Variants in VAPA observed in about 807,000 individuals in gnomAD.
VAPA encodes vesicle-associated membrane protein-associated protein A.
In VAPA, 6 loss-of-function variants were observed where a neutral mutation model predicts 25.6. The ratio of observed to expected loss-of-function variants is 0.23; its 90% CI spans 0.13 to 0.46. The LOEUF is 0.46. VAPA is among the 20% of genes least tolerant of loss of function. VAPA has a pLI of 0.99. For missense variants in VAPA, 244 were observed against 302.1 expected (o/e 0.81, Z 1.43); for synonymous variants, 112 against 106.2 (o/e 1.05, Z -0.34).
chr18:9,947,969 T>C (rs1002405676), intron 4 of VAPA: 4 of 152,206 alleles, frequency 2.6e-5, no homozygotes, highest in African/African-American at 7.2e-5. Flanking sequence ...GCACCTGTTA[T>C]GTATGTTCAC....
In VAPA at chr18:9,950,423, C is replaced by T. The variant is rs375810230; in HGVS notation, c.446C>T (p.Pro149Leu). 2.7e-5 allele frequency: 43 copies of T among 1,613,586 alleles called. No homozygotes were observed. The highest frequency in any genetic ancestry group is 3.6e-5 in the Non-Finnish European group (43 of 1,179,932). Residue 149 changes from proline to leucine, a missense_variant, in exon 5 of 6, where the codon CCA (proline) becomes CTA (leucine). This residue lies in a region of VAPA where 145 missense variants were observed against 140.6 expected (regional missense o/e 1.03). Coordinates refer to ENST00000400000, the MANE Select transcript of VAPA (RefSeq NM_194434.3). ...LNDMEPSKAV[P>L]LNASKQDGPM... ...GATATGGAACCTAGCAAAGCTGTTC[C>T]ACTGAATGCATCTAAGCAAGATGGA...
At position 9,944,886 on chromosome 18, in the gene VAPA, G is replaced by A. The variant is rs904772239; in HGVS notation, c.418-5509G>A. 4.4e-6 allele frequency: 7 copies of A among 1,604,024 alleles called. No individual in the cohort carries two copies. In the African/African-American group the frequency reaches 8.0e-5, roughly 18 times the overall value. ...TATCATGCAGAAGAAATCAGAGTTC[G>A]GTGAGAATCTGAGAATATGTTTCCC... On this transcript the variant is annotated intron_variant, in intron 4 of 5. Transcript: ENST00000400000.
chr18:9,938,164 C>CA (rs1338084001), intron 4 of VAPA, among the ~76,000 whole-genome samples: 1 of 151,970 alleles, frequency 6.6e-6, no homozygotes, highest in African/African-American at 2.4e-5. Context: ...ACCAAGAAAA[C>CA]AAAACAGCAT....
At chr18:9,921,554 A>G (rs554640125) in intron 1 of VAPA, among the ~76,000 whole-genome samples, 2 of 152,376 alleles carry the variant, frequency 1.3e-5, no homozygotes, top group South Asian at 2.1e-4. Context: ...TGGGATACAT[A>G]TAGATAGTAA....
chr18:9,926,257 C>G (rs1322878568), intron 1 of VAPA, among the ~76,000 whole-genome samples: 1 of 152,076 alleles, frequency 6.6e-6, no homozygotes, highest in African/African-American at 2.4e-5. Flanking sequence ...AGCAGCATAA[C>G]CCTTGTGTAA....
chr18:9,927,776 A>G (rs2069213992), intron 1 of VAPA, among the ~76,000 whole-genome samples: 2 of 152,078 alleles, frequency 1.3e-5, no homozygotes, highest in Admixed American at 1.3e-4. Context: ...CTCAAAGGCC[A>G]CATTTATGTA....
intron 2 of VAPA, among the ~76,000 whole-genome samples, chr18:9,935,419 C>A (rs1599107291): frequency 6.6e-6 from 1 of 151,832 alleles, no homozygotes; most frequent in Non-Finnish European, 1.5e-5. Context: ...CAAAAAAATA[C>A]AAAAATTAGC....
chr18:9,951,885 C>G (rs1353916896), intron 5 of VAPA, among the ~76,000 whole-genome samples: 1 of 152,096 alleles, frequency 6.6e-6, no homozygotes, highest in African/African-American at 2.4e-5. Flanking sequence ...TTCATAGTAC[C>G]CCCTCGAGGG....
intron 5 of VAPA, chr18:9,951,310 A>T (rs2069487622): frequency 6.6e-6 from 1 of 152,326 alleles, no homozygotes; most frequent in Non-Finnish European, 1.5e-5. Flanking sequence ...ACACACATTG[A>T]CGTTTTGCTA....
chr18:9,935,767 C>T (rs1335346195), intron 2 of VAPA, among the ~76,000 whole-genome samples: 2 of 152,150 alleles, frequency 1.3e-5, no homozygotes, highest in Admixed American at 6.5e-5. Context: ...AAAATTTTCA[C>T]AAGCTGAGTT....
At chr18:9,925,272 TTTGTATAA>T (rs2069190753) in intron 1 of VAPA, among the ~76,000 whole-genome samples, 1 of 151,646 alleles carries the variant, frequency 6.6e-6, no homozygotes, top group Admixed American at 6.6e-5. Context: ...GTATAATATG[TTTGTATAA>T]TTGTATAATA....
intron 1 of VAPA, among the ~76,000 whole-genome samples, chr18:9,918,025 T>TA (rs2069126629): frequency 6.6e-6 from 1 of 151,986 alleles, no homozygotes; most frequent in Admixed American, 6.5e-5. Context: ...CAGTAAGACA[T>TA]ACCATCTCTT....
rs188554953 is a variant in VAPA, at chr18:9,940,895, T to A, written c.417+3829T>A. On this transcript the variant is annotated intron_variant, in intron 4 of 5. Transcript: ENST00000400000. ...TTGCAAAAATTGTGTCTATACTATTTAGGCTGGAAGTGGCCTTAATTGATT... is the reference window on the plus strand; with the variant it reads ...TTGCAAAAATTGTGTCTATACTATTAAGGCTGGAAGTGGCCTTAATTGATT... Among the ~76,000 whole-genome samples, 192 of 152,342 alleles carry A rather than the reference T, an allele frequency of 1.3e-3. 1 individual carries two copies. The highest frequency in any genetic ancestry group is 4.4e-3 in the African/African-American group (181 of 41,586).
chr18:9,949,404 G>C (rs2069463127), intron 4 of VAPA: 2 of 152,088 alleles, frequency 1.3e-5, no homozygotes, highest in Admixed American at 1.3e-4. Flanking sequence ...CCCTTCATAA[G>C]AATAACAAGT....
chr18:9,950,545 T>A lies in VAPA; in HGVS notation c.568T>A (p.Ser190Thr). 1.2e-6 allele frequency: 2 copies of A among 1,611,958 alleles called. No homozygotes were observed. The highest frequency in any genetic ancestry group is 1.7e-6 in the Non-Finnish European group (2 of 1,179,554). Residue 190 changes from serine (S) to threonine (T), a missense_variant, in exon 5 of 6, where the codon TCA (serine) becomes ACA (threonine). By Grantham distance (58) the Ser-to-Thr change is moderately conservative. Around this residue, in one of 2 missense-constraint regions of VAPA, gnomAD observed 145 missense variants for 140.6 expected, o/e 1.03. Coordinates refer to ENST00000400000, the MANE Select transcript of VAPA (RefSeq NM_194434.3). Reference protein sequence around the residue: ...KRLQGEMMKLSEENRHLRDEG... With the variant: ...KRLQGEMMKLTEENRHLRDEG... Reference sequence around the variant, plus strand: ...ACTTCAGGGAGAAATGATGAAGCTATCAGAAGAAAATCGGCACCTGAGAGT... The same window carrying A: ...ACTTCAGGGAGAAATGATGAAGCTAACAGAAGAAAATCGGCACCTGAGAGT...
chr18:9,937,791 A>G (rs1485153391), intron 4 of VAPA, among the ~76,000 whole-genome samples: 2 of 152,136 alleles, frequency 1.3e-5, no homozygotes, highest in Admixed American at 6.6e-5. Context: ...GATAAATAGA[A>G]TGGTGTGGCA....
At chr18:9,932,103 A>G (rs774343556) in intron 2 of VAPA, 141 bp downstream of exon 2, 10 of 608,746 alleles carry the variant, frequency 1.6e-5, no homozygotes, top group Non-Finnish European at 2.7e-5. Context: ...GTCTTGTTAC[A>G]GTACTCTGCA....
chr18:9,930,323 A>G (rs2069240870), intron 1 of VAPA, among the ~76,000 whole-genome samples: 2 of 152,300 alleles, frequency 1.3e-5, no homozygotes, highest in South Asian at 2.1e-4. Context: ...TGTGATTGCT[A>G]CTAATGTTAA....
rs140540139 is a variant in VAPA at position 9,929,020 on chromosome 18, T to G, written c.80-2790T>G. Reference sequence around the variant, plus strand: ...TTCATGTGAATGTGTTACCTACAGATGCCTGCTGACTAATTCAGATGTGTT... The same window carrying G: ...TTCATGTGAATGTGTTACCTACAGAGGCCTGCTGACTAATTCAGATGTGTT... On this transcript the variant is annotated intron_variant, in intron 1 of 5. Coordinates refer to ENST00000400000, the MANE Select transcript of VAPA (RefSeq NM_194434.3). 1.7e-3 allele frequency among the ~76,000 whole-genome samples: 262 copies of G among 152,324 alleles called. 1 individual carries two copies. Among genetic ancestry groups the G allele is most frequent in the African/African-American group, 6.0e-3 (248 of 41,582 alleles).
Sources: gnomAD v4.1 joint callset for allele counts (sites outside exome capture counted in the v4.1 genomes callset) on GRCh38, gnomAD v4.1.1 for gene constraint, gnomAD v4.1.1 regional missense constraint, MANE v1.5 for transcripts, NCBI Gene and HGNC (gene_info 2026-07-23, HGNC 2026-07-21) for gene names.